TP53I11: variants seen among roughly 807,000 people sequenced by gnomAD.
TP53I11 encodes the protein tumor protein p53-inducible protein 11.
TP53I11 carries 9 observed loss-of-function variants against 23.3 expected under a neutral mutation model. That is an observed-to-expected ratio of 0.39 (90% CI 0.23 to 0.67). The LOEUF (loss-of-function observed/expected upper bound fraction) is 0.67. Among genes scored for constraint, TP53I11 ranks in the 30% least tolerant of loss-of-function variants. The pLI is 0.48. For synonymous variants in TP53I11, 100 were observed against 106.1 expected, an observed-to-expected ratio of 0.94 and a Z score of 0.35; for missense variants, 170 against 255.2, an observed-to-expected ratio of 0.67 and a Z score of 2.27.
chr11:44,938,027 T>C (rs896526752), intron 2 of TP53I11, among the ~76,000 whole-genome samples, 180 bp downstream of exon 2: 2 of 152,224 alleles, frequency 1.3e-5, no homozygotes, highest in African/African-American at 4.8e-5. Context: ...ACCGGGCACG[T>C]AATAGGCACT....
At chr11:44,935,908 A>G (rs1041213376) in intron 5 of TP53I11, 5 of 575,254 alleles carry the variant, frequency 8.7e-6, no homozygotes, top group Non-Finnish European at 1.6e-5. Flanking sequence ...ACACTGGGCG[A>G]GTCACTTCCC....
chr11:44,936,318 G>T lies in TP53I11; in HGVS notation c.334+485C>A. On this transcript the variant is annotated intron_variant, in intron 5 of 6. Coordinates refer to ENST00000525680, the MANE Select transcript of TP53I11 (RefSeq NM_006034.5). This position sits in a 1 kb window ranked among gnomAD's most constrained non-coding sequence, Gnocchi z 4.4. ...CCATAGAATATTTCGTAGAAATAGA[G>T]GCATATTACCTATGCTGAGCTTTAA... 8.4e-7 allele frequency: 1 copy of T among 1,196,312 alleles called. No homozygotes were observed. Among genetic ancestry groups the T allele is most frequent in the East Asian group, 3.5e-5 (1 of 28,180 alleles). The allele number at this position is 1,196,312 out of a possible 1,614,324, so 74.1% of individuals were successfully genotyped here.
At chr11:44,948,892 AG>A (rs1862642565) in intron 1 of TP53I11, among the ~76,000 whole-genome samples, 1 of 152,230 alleles carries the variant, frequency 6.6e-6, no homozygotes, top group Non-Finnish European at 1.5e-5. Flanking sequence ...AGAAGCCACA[AG>A]GGGCCTGGAG....
At chr11:44,945,565 C>T (rs1565120377) in intron 1 of TP53I11, among the ~76,000 whole-genome samples, 1 of 152,018 alleles carries the variant, frequency 6.6e-6, no homozygotes, top group African/African-American at 2.4e-5. Flanking sequence ...CCGGAAAGTC[C>T]CTGGTGGTCG....
At chr11:44,939,929 C>G (rs896636104) in intron 1 of TP53I11, among the ~76,000 whole-genome samples, 2 of 152,238 alleles carry the variant, frequency 1.3e-5, no homozygotes, top group African/African-American at 4.8e-5. Flanking sequence ...CAGTCCCACA[C>G]CCGGCACACA....
Position 44,934,869 on chromosome 11 carries a change from A to G in TP53I11, c.*15T>C. On this transcript the variant is annotated 3_prime_UTR_variant, in exon 7 of 7. Transcript: ENST00000525680. Reference sequence around the variant, plus strand: ...CTGGCCCAGGCATGGGCAGGGCCCCAGGCCCAGCGGGCAACTAGGCCTTCT... The same window carrying G: ...CTGGCCCAGGCATGGGCAGGGCCCCGGGCCCAGCGGGCAACTAGGCCTTCT... 1.9e-6 allele frequency: 3 copies of G among 1,613,770 alleles called. No individual in the cohort carries two copies. Among genetic ancestry groups the G allele is most frequent in the Non-Finnish European group, 1.7e-6 (2 of 1,179,868 alleles).
In TP53I11 at chr11:44,934,880, G is replaced by A. The variant is rs769412791; in HGVS notation, c.*4C>T. 2 of 1,613,994 alleles carry A rather than the reference G, an allele frequency of 1.2e-6. No homozygotes were observed. Among genetic ancestry groups the A allele is most frequent in the South Asian group, 1.1e-5 (1 of 91,088 alleles). On this transcript the variant is annotated 3_prime_UTR_variant, in exon 7 of 7. Transcript: ENST00000525680. ...ATGGGCAGGGCCCCAGGCCCAGCGG[G>A]CAACTAGGCCTTCTTGGGTCTTCGG...
rs377057984 is a variant in TP53I11 at position 44,939,695 on chromosome 11, G to A, written c.-31-1329C>T. Among the ~76,000 whole-genome samples, 10 of 151,630 alleles carry A rather than the reference G, an allele frequency of 6.6e-5. No individual in the cohort carries two copies. In the East Asian group the frequency reaches 9.8e-4, roughly 15 times the overall value. On this transcript the variant is annotated intron_variant, in intron 1 of 6. Coordinates refer to ENST00000525680, the MANE Select transcript of TP53I11 (RefSeq NM_006034.5). ...TCTGTGAATAATGTGGCTGTAGACC[G>A]GATCAACTAGGGAGGCAGTATACCA...
At chr11:44,949,456 A>T (rs1862719621) in intron 1 of TP53I11, among the ~76,000 whole-genome samples, 1 of 152,312 alleles carries the variant, frequency 6.6e-6, no homozygotes, top group Middle Eastern at 3.4e-3. Context: ...GGCCTTGGCC[A>T]GCCGCTCTGG....
At chr11:44,949,649 G>A (rs1276618743) in intron 1 of TP53I11, among the ~76,000 whole-genome samples, 1 of 152,064 alleles carries the variant, frequency 6.6e-6, no homozygotes, top group Non-Finnish European at 1.5e-5. Flanking sequence ...CCCGCCCAGC[G>A]GGGCGCGCCG....
In TP53I11 at chr11:44,934,448, G is replaced by C. The variant is rs1037712265; in HGVS notation, c.*436C>G. ...GCCAAGTTTAGCTGCTTGGGCACTA[G>C]GTTGGCTGGGAGTGTAGGGAGAAGG... On this transcript the variant is annotated 3_prime_UTR_variant, in exon 7 of 7. Transcript: ENST00000525680. 3 of 176,378 alleles carry C rather than the reference G, an allele frequency of 1.7e-5. No homozygotes were observed. The highest frequency in any genetic ancestry group is 7.1e-5 in the African/African-American group (3 of 42,360). The allele number at this position is 176,378 out of a possible 1,614,324, so 10.9% of individuals were successfully genotyped here.
At position 44,933,849 on chromosome 11, in the gene TP53I11, A is replaced by AGCAGGCAGGAGTGGGGG. The variant is rs1345336802; in HGVS notation, c.*1018_*1034dup. 1 of 155,500 alleles carries AGCAGGCAGGAGTGGGGG rather than the reference A, an allele frequency of 6.4e-6. No individual in the cohort carries two copies. Among genetic ancestry groups the AGCAGGCAGGAGTGGGGG allele is most frequent in the East Asian group, 1.8e-4 (1 of 5,412 alleles). The allele number at this position is 155,500 out of a possible 1,614,324, so 9.6% of individuals were successfully genotyped here. On this transcript the variant is annotated 3_prime_UTR_variant, in exon 7 of 7. Transcript: ENST00000525680. ...ACGTGTGGGGGGCAGCTCACCGGGA[A>AGCAGGCAGGAGTGGGGG]GCAGGCAGGAGTGGGGGACAGGCTG...
Position 44,936,028 on chromosome 11 carries a change from G to A in TP53I11, c.335-366C>T. The stretch of plus-strand genomic sequence containing the variant: ...TGTTCATGGAGTTCATGAGTTAATG[G>A]GTTACCTGGTCCTATGATTGGGTTT... On this transcript the variant is annotated intron_variant, in intron 5 of 6. Transcript: ENST00000525680. The surrounding 1 kb of genome is among the most constrained non-coding windows in gnomAD (Gnocchi z 4.4). The A allele has an allele frequency of 3.4e-6, 1 of 291,934 alleles. No homozygotes were observed. Among genetic ancestry groups the A allele is most frequent in the Non-Finnish European group, 6.2e-6 (1 of 160,698 alleles). 18.1% of individuals were successfully genotyped at this position (291,934 alleles called of 1,614,324 possible). A position where few individuals can be genotyped will look rare whatever the true frequency, so the allele number is the denominator to read the frequency against.
chr11:44,935,093 C>A, intron 6 of TP53I11, 76 bp from the exon 7 acceptor site: 1 of 1,590,806 alleles, frequency 6.3e-7, no homozygotes, highest in South Asian at 1.1e-5. Flanking sequence ...TAGCCCGGAG[C>A]GCTGGTGTGG....
At chr11:44,948,243 C>T (rs1277095224) in intron 1 of TP53I11, among the ~76,000 whole-genome samples, 1 of 152,188 alleles carries the variant, frequency 6.6e-6, no homozygotes, top group Non-Finnish European at 1.5e-5. Context: ...GACTGACATA[C>T]TGTCTCTGAG....
intron 1 of TP53I11, among the ~76,000 whole-genome samples, chr11:44,946,415 G>T (rs983810384): frequency 6.6e-6 from 1 of 152,176 alleles, no homozygotes; most frequent in Admixed American, 6.5e-5. Flanking sequence ...AGTGGAGGGC[G>T]GAGCTGCAGC....
intron 1 of TP53I11, chr11:44,947,291 G>A (rs1862481402): frequency 2.7e-6 from 1 of 366,842 alleles, no homozygotes; most frequent in Non-Finnish European, 5.4e-6. Flanking sequence ...CAGTGACCAT[G>A]TCAGGGCCCT....
rs1590728085 is a variant in TP53I11, at chr11:44,934,428, G to C, written c.*456C>G. 5.6e-6 allele frequency: 1 copy of C among 178,892 alleles called. No homozygotes were observed. The highest frequency in any genetic ancestry group is 1.2e-5 in the Non-Finnish European group (1 of 82,254). 11.1% of individuals were successfully genotyped at this position (178,892 alleles called of 1,614,324 possible). On this transcript the variant is annotated 3_prime_UTR_variant, in exon 7 of 7. Coordinates refer to ENST00000525680, the MANE Select transcript of TP53I11 (RefSeq NM_006034.5). The stretch of plus-strand genomic sequence containing the variant: ...TTTTCCAGGATTAGAAGGAAGCCAA[G>C]TTTAGCTGCTTGGGCACTAGGTTGG...
chr11:44,950,295 T>A (rs1394231937), intron 1 of TP53I11: 2 of 152,246 alleles, frequency 1.3e-5, no homozygotes, highest in African/African-American at 4.8e-5. Flanking sequence ...TCCGTTTCTC[T>A]CCTGCTCTGA....
Sources: allele counts gnomAD v4.1 joint callset (sites outside exome capture counted in the v4.1 genomes callset), GRCh38; gene constraint gnomAD v4.1.1; non-coding constraint Gnocchi (gnomAD v3.1); transcripts MANE v1.5; gene names NCBI Gene and HGNC (gene_info 2026-07-23, HGNC 2026-07-21).